FAM209B: variants seen among roughly 807,000 people sequenced by gnomAD.
The protein encoded by FAM209B is family with sequence similarity 209 member B, also known as protein FAM209B.
A neutral mutation model predicts 8.9 loss-of-function variants in FAM209B; 8 were observed. The ratio of observed to expected loss-of-function variants is 0.90; its 90% confidence interval spans 0.53 to 1.62. The LOEUF (loss-of-function observed/expected upper bound fraction) is 1.62. Among genes scored for constraint, FAM209B ranks in the 40% most tolerant of loss-of-function variants. The pLI, the probability that FAM209B is intolerant of heterozygous loss-of-function variation, is 0.00. For missense variants in FAM209B, 175 were observed against 205.3 expected (o/e 0.85, Z 0.90); for synonymous variants, 67 against 75.0 (o/e 0.89, Z 0.55).
chr20:56,534,907 G>C (rs543042164), intron 1 of FAM209B, among the ~76,000 whole-genome samples: 97 of 151,596 alleles, frequency 6.4e-4, no homozygotes, highest in Admixed American at 2.2e-3. Flanking sequence ...TACAAAATTA[G>C]GCGTAGTGGC....
At chr20:56,534,786 G>A (rs1400138786) in intron 1 of FAM209B, among the ~76,000 whole-genome samples, 5 of 148,466 alleles carry the variant, frequency 3.4e-5, no homozygotes, top group Non-Finnish European at 5.9e-5. Flanking sequence ...GGGCCCAGTG[G>A]CTCATGCCTG....
Position 56,533,442 on chromosome 20 carries a change from G to T in FAM209B, c.101G>T (p.Gly34Val). ...SLRQKTSEPQ[G>V]KVPCGEHFRI... ...AGACAGAAAACTAGCGAACCCCAGG[G>T]GAAGGTGCCGTGTGGAGAGCACTTT... The change falls in exon 1 of 2, where the codon GGG becomes GTG. Residue 34 changes from glycine (G) to valine (V), a missense_variant. Around this residue, in one of 2 missense-constraint regions of FAM209B, gnomAD observed 166 missense variants for 174.5 expected, o/e 0.95. Coordinates refer to ENST00000371325, the MANE Select transcript of FAM209B (RefSeq NM_001013646.4). The T allele has an allele frequency of 6.2e-7, 1 of 1,610,564 alleles. No individual in the cohort carries two copies. Among genetic ancestry groups the T allele is most frequent in the Non-Finnish European group, 8.5e-7 (1 of 1,177,050 alleles).
At chr20:56,536,117 T>C in intron 1 of FAM209B, 55 bp from the exon 2 acceptor site, 1 of 1,423,648 alleles carries the variant, frequency 7.0e-7, no homozygotes, top group Non-Finnish European at 9.5e-7. Flanking sequence ...CTTGGAACTG[T>C]GTCAAAACCA....
rs773930647 is a variant in FAM209B, at chr20:56,536,273, C to T, written c.351C>T (p.Asn117=). ...AAGACTGTGTATTCAATACCTTAAA[C>T]GAACTTGAAGTGGAGCTTTTGAAAT... ...LYKDCVFNTL[N]ELEVELLKFV... Residue 117 remains asparagine, a synonymous_variant, in exon 2 of 2, where the codon AAC becomes AAT. Coordinates refer to ENST00000371325, the MANE Select transcript of FAM209B (RefSeq NM_001013646.4). 1.9e-5 allele frequency: 31 copies of T among 1,613,108 alleles called. No homozygotes were observed. The highest frequency in any genetic ancestry group is 1.0e-4 in the Admixed American group (6 of 59,722).
chr20:56,535,241 T>A (rs1420141390), intron 1 of FAM209B, among the ~76,000 whole-genome samples: 1 of 146,876 alleles, frequency 6.8e-6, no homozygotes, highest in African/African-American at 2.5e-5. Flanking sequence ...AAAAATTAGC[T>A]GGTATGGTGG....
At chr20:56,534,024 C>T (rs931030379) in intron 1 of FAM209B, among the ~76,000 whole-genome samples, 27 of 151,802 alleles carry the variant, frequency 1.8e-4, no homozygotes, top group African/African-American at 5.8e-4. Context: ...GGCATGGCGG[C>T]GTGTGTCTGT....
rs554215374 is a variant in FAM209B at position 56,533,455 on chromosome 20, T to A, written c.114T>A (p.Cys38Ter). ...KTSEPQGKVP[C>*]GEHFRIRQNL... ...GCGAACCCCAGGGGAAGGTGCCGTG[T>A]GGAGAGCACTTTCGGATTCGGCAGA... is the stretch of plus-strand genomic sequence containing the variant. The change falls in exon 1 of 2, where the codon TGT becomes TGA. Residue 38 changes from cysteine (C) to a stop codon, truncating the protein, a stop_gained. Coordinates refer to ENST00000371325, the MANE Select transcript of FAM209B (RefSeq NM_001013646.4). LOFTEE classifies it high-confidence loss of function. 11 of 1,497,122 alleles carry A rather than the reference T, an allele frequency of 7.3e-6. No homozygotes were observed. Among genetic ancestry groups the A allele is most frequent in the Non-Finnish European group, 1.0e-5 (11 of 1,090,570 alleles). The allele number at this position is 1,497,122 out of a possible 1,614,324, so 92.7% of individuals were successfully genotyped here.
intron 1 of FAM209B, among the ~76,000 whole-genome samples, chr20:56,534,747 C>CA (rs74181055): frequency 0.088 from 2,844 of 32,172 alleles, 395 homozygotes; most frequent in Middle Eastern, 0.17. Context: ...GACTCTGTCT[C>CA]AAAAAAAAAA....
Position 56,536,466 on chromosome 20 carries a change from A to AG in FAM209B, c.*29dup, listed in dbSNP as rs1284968422. 1 of 1,545,210 alleles carries AG rather than the reference A, an allele frequency of 6.5e-7. No individual in the cohort carries two copies. Among genetic ancestry groups the AG allele is most frequent in the African/African-American group, 1.4e-5 (1 of 71,892 alleles). ...GGATTTGTGTGTCAGGAGAGAAAAA[A>AG]GTTGAGTGTTGACAAACTGTATGCA... is the stretch of plus-strand genomic sequence containing the variant. On this transcript the variant is annotated 3_prime_UTR_variant, in exon 2 of 2. Transcript: ENST00000371325.
rs59578783 is a variant in FAM209B, at chr20:56,536,194, G to A, written c.272G>A (p.Arg91Gln). The change falls in exon 2 of 2, where the codon CGA (arginine) becomes CAA (glutamine). Residue 91 changes from arginine (R) to glutamine (Q), a missense_variant. Arg to Gln is a conservative substitution (Grantham distance 43). Coordinates refer to ENST00000371325, the MANE Select transcript of FAM209B (RefSeq NM_001013646.4). ...CAGGAGCAGAGTCCTCCTGGCCTTC[G>A]AGGCTTCCCATTTCGCACTCCACTA... ...KNKEQSPPGL[R>Q]GFPFRTPLKK... 6 of 1,558,266 alleles carry A rather than the reference G, an allele frequency of 3.9e-6. No homozygotes were observed. Among genetic ancestry groups the A allele is most frequent in the South Asian group, 3.7e-5 (3 of 80,880 alleles).
At chr20:56,534,872 G>A (rs577201970) in intron 1 of FAM209B, among the ~76,000 whole-genome samples, 25 of 150,256 alleles carry the variant, frequency 1.7e-4, no homozygotes, top group African/African-American at 6.1e-4. Flanking sequence ...TGACCAACAT[G>A]GAGAAAGCCC....
At chr20:56,535,468 G>C (rs1379087391) in intron 1 of FAM209B, among the ~76,000 whole-genome samples, 1 of 151,584 alleles carries the variant, frequency 6.6e-6, no homozygotes, top group Non-Finnish European at 1.5e-5. Context: ...GCGGGTGCCT[G>C]TAATCCCAGC....
At chr20:56,535,851 T>C (rs76537390) in intron 1 of FAM209B, among the ~76,000 whole-genome samples, 6,866 of 152,248 alleles carry the variant, frequency 0.045, 510 homozygotes, top group African/African-American at 0.16. Context: ...AGAGGAAGGA[T>C]TGGCAAACTT....
intron 1 of FAM209B, among the ~76,000 whole-genome samples, chr20:56,535,255 G>A (rs1458685188): frequency 4.6e-5 from 7 of 151,120 alleles, no homozygotes; most frequent in Admixed American, 6.6e-5. Context: ...ATGGTGGTGG[G>A]CACCTGTGGT....
chr20:56,533,982 C>T (rs1985871112), intron 1 of FAM209B, among the ~76,000 whole-genome samples: 1 of 151,964 alleles, frequency 6.6e-6, no homozygotes, highest in Non-Finnish European at 1.5e-5. Context: ...ACGGTGAAAC[C>T]CCATCTCTAC....
chr20:56,534,791 T>C lies in FAM209B; in HGVS notation c.249+1201T>C, dbSNP rs1214449825. ...AAAAAAAGCTGGGCCCAGTGGCTCA[T>C]GCCTGTAATCCCAGCACTTTGGGAG... On this transcript the variant is annotated intron_variant, in intron 1 of 1. Transcript: ENST00000371325. Among the ~76,000 whole-genome samples, 3 of 135,532 alleles carry C rather than the reference T, an allele frequency of 2.2e-5. No homozygotes were observed. In the Admixed American group the frequency reaches 2.3e-4, roughly 10 times the overall value. 88.9% of individuals were successfully genotyped at this position (135,532 alleles called of 152,430 possible).
At chr20:56,533,894 TG>T (rs1475289268) in intron 1 of FAM209B, among the ~76,000 whole-genome samples, 3 of 152,194 alleles carry the variant, frequency 2.0e-5, no homozygotes, top group African/African-American at 7.2e-5. Flanking sequence ...CAGTGGTTCA[TG>T]CTGTAATCCC....
intron 1 of FAM209B, 70 bp from the exon 2 acceptor site, chr20:56,536,102 A>C: frequency 7.6e-7 from 1 of 1,322,490 alleles, no homozygotes; most frequent in Non-Finnish European, 1.0e-6. Context: ...AATGAGCCCA[A>C]CTGTCTTGGA....
chr20:56,535,813 A>G (rs1223556194), intron 1 of FAM209B, among the ~76,000 whole-genome samples: 2 of 152,226 alleles, frequency 1.3e-5, no homozygotes, highest in Non-Finnish European at 2.9e-5. Context: ...AAGACCCAGC[A>G]TTTCATGATC....
Sources: gnomAD v4.1 joint callset for allele counts (sites outside exome capture counted in the v4.1 genomes callset) on GRCh38, gnomAD v4.1.1 for gene constraint, gnomAD v4.1.1 regional missense constraint, MANE v1.5 for transcripts, NCBI Gene and HGNC (gene_info 2026-07-23, HGNC 2026-07-21) for gene names.